Variants in NAALADL2 observed in about 807,000 individuals in gnomAD.
NAALADL2 encodes the protein N-acetylated alpha-linked acidic dipeptidase like 2.
In NAALADL2, 76 loss-of-function variants were observed where a neutral mutation model predicts 87.2. The ratio of observed to expected loss-of-function variants is 0.87; its 90% CI spans 0.72 to 1.05. NAALADL2 has a LOEUF of 1.05. NAALADL2 is among the 50% of genes least tolerant of loss of function. The probability of loss-of-function intolerance (pLI) is 0.00; values close to 1 mark genes in which losing one functional copy is unlikely to be tolerated. For missense variants in NAALADL2, 1,089 were observed against 945.8 expected (o/e 1.15, Z -1.99); for synonymous variants, 354 against 331.0 (o/e 1.07, Z -0.75).
At chr3:175,481,848 A>G (rs889576247) in intron 9 of NAALADL2, among the ~76,000 whole-genome samples, 2 of 152,004 alleles carry the variant, frequency 1.3e-5, no homozygotes, top group Non-Finnish European at 2.9e-5. Flanking sequence ...ACAGAACTAT[A>G]TATTATACAA....
chr3:175,117,223 A>C (rs539489474), intron 2 of NAALADL2, among the ~76,000 whole-genome samples: 10 of 151,916 alleles, frequency 6.6e-5, no homozygotes, highest in Non-Finnish European at 1.0e-4. Flanking sequence ...ATGTCTAAAA[A>C]ACCAAAAGCA....
chr3:175,372,009 A>G (rs189591619), intron 5 of NAALADL2, among the ~76,000 whole-genome samples: 6 of 152,262 alleles, frequency 3.9e-5, no homozygotes, highest in Admixed American at 3.9e-4. Context: ...TTCCTACCAT[A>G]ACATGAAATA....
At chr3:174,534,146 T>C (rs1721501986) in intron 1 of NAALADL2, among the ~76,000 whole-genome samples, 1 of 152,158 alleles carries the variant, frequency 6.6e-6, no homozygotes, top group Non-Finnish European at 1.5e-5. Flanking sequence ...CTATTACATT[T>C]CTTATGTCTG....
At chr3:175,307,053 C>G (rs764267218) in intron 4 of NAALADL2, among the ~76,000 whole-genome samples, 8 of 152,126 alleles carry the variant, frequency 5.3e-5, no homozygotes, top group Non-Finnish European at 8.8e-5. Flanking sequence ...CAATAGTATA[C>G]TCTTAATTCC....
At chr3:175,607,252 A>C (rs1181311635) in intron 10 of NAALADL2, among the ~76,000 whole-genome samples, 2 of 152,240 alleles carry the variant, frequency 1.3e-5, no homozygotes, top group Non-Finnish European at 2.9e-5. Context: ...AATAGTATAA[A>C]GAGAAAAAGA....
intron 1 of NAALADL2, among the ~76,000 whole-genome samples, chr3:174,860,485 T>C (rs1473226517): frequency 1.3e-5 from 2 of 152,112 alleles, no homozygotes; most frequent in African/African-American, 4.8e-5. Context: ...TTTATTTCTA[T>C]GTGTCTTATG....
intron 9 of NAALADL2, among the ~76,000 whole-genome samples, chr3:175,542,908 G>A (rs1409686551): frequency 6.6e-6 from 1 of 152,118 alleles, no homozygotes; most frequent in Non-Finnish European, 1.5e-5. Flanking sequence ...AGGAAAATGG[G>A]TAATAGACTG....
intron 11 of NAALADL2, among the ~76,000 whole-genome samples, chr3:175,661,359 T>G (rs1732232691): frequency 6.6e-6 from 1 of 151,994 alleles, no homozygotes; most frequent in South Asian, 2.1e-4. Flanking sequence ...CAGACTTTTT[T>G]TTTTTCCTAT....
chr3:175,173,006 T>C (rs1735086622), intron 2 of NAALADL2, among the ~76,000 whole-genome samples: 1 of 152,006 alleles, frequency 6.6e-6, no homozygotes, highest in African/African-American at 2.4e-5. Context: ...AATATTGCAA[T>C]GAAGCCAGGT....
intron 11 of NAALADL2, among the ~76,000 whole-genome samples, chr3:175,636,467 G>T (rs1020566089): frequency 6.6e-6 from 1 of 152,110 alleles, no homozygotes; most frequent in African/African-American, 2.4e-5. Context: ...GGGAGGCCGA[G>T]CAGGGCAGAT....
In NAALADL2 at chr3:175,020,108, C is replaced by A. The variant is rs184599493; in HGVS notation, c.44-76682C>A. 4.2e-3 allele frequency among the ~76,000 whole-genome samples: 638 copies of A among 152,176 alleles called. 3 individuals are homozygous for A. The highest frequency in any genetic ancestry group is 0.017 in the Middle Eastern group (5 of 294). On this transcript the variant is annotated intron_variant, in intron 1 of 13. Coordinates refer to ENST00000454872, the MANE Select transcript of NAALADL2 (RefSeq NM_207015.3). ...GGAAATCCACAGATTCTGTTGGGGA[C>A]ATGCAGAGCATTTAGTGTTCAGGGA...
chr3:175,207,668 A>G (rs375652646), intron 2 of NAALADL2, among the ~76,000 whole-genome samples: 1 of 152,160 alleles, frequency 6.6e-6, no homozygotes, highest in Admixed American at 6.6e-5. Flanking sequence ...CCCTTCTTTG[A>G]TTATTCCTTC....
At chr3:175,661,060 G>T (rs1732178681) in intron 11 of NAALADL2, among the ~76,000 whole-genome samples, 2 of 152,032 alleles carry the variant, frequency 1.3e-5, no homozygotes, top group South Asian at 4.2e-4. Flanking sequence ...TTAGTTTTTT[G>T]AAGAACCCCC....
At chr3:174,721,887 T>G (rs938048431) in intron 2 of NAALADL2, among the ~76,000 whole-genome samples, 1 of 152,178 alleles carries the variant, frequency 6.6e-6, no homozygotes, top group Non-Finnish European at 1.5e-5. Flanking sequence ...AGACTGATTT[T>G]TGACCAGAGG....
In NAALADL2 at chr3:174,568,509, T is replaced by C. The variant is rs141896061; in HGVS notation, c.-115+17872T>C. Among the ~76,000 whole-genome samples, 374 of 151,780 alleles carry C rather than the reference T, an allele frequency of 2.5e-3. 1 individual carries two copies. The highest frequency in any genetic ancestry group is 8.4e-3 in the African/African-American group (349 of 41,478). On this transcript the variant is annotated intron_variant, in intron 2 of 3. Coordinates refer to the NAALADL2 transcript ENST00000434257. Reference sequence around the variant, plus strand: ...TTAAGTGCTTTAGTATCAGTACAAATAAAAAAGGAAGGACAACTGGGAAAG... The same window carrying C: ...TTAAGTGCTTTAGTATCAGTACAAACAAAAAAGGAAGGACAACTGGGAAAG...
rs564344243 is a variant in NAALADL2, at chr3:175,549,743, C to CA, written c.1654-26292dup. ...ATGTAGGCAATACAAAGGCGGACTG[C>CA]AAAAAACTTAAGTCTTTAAGACTTA... On this transcript the variant is annotated intron_variant, in intron 9 of 13. Coordinates refer to ENST00000454872, the MANE Select transcript of NAALADL2 (RefSeq NM_207015.3). 1.2e-4 allele frequency among the ~76,000 whole-genome samples: 19 copies of CA among 152,014 alleles called. 1 individual carries two copies. In the South Asian group the frequency reaches 3.7e-3, roughly 30 times the overall value.
At chr3:175,212,781 C>G (rs1660777041) in intron 2 of NAALADL2, among the ~76,000 whole-genome samples, 1 of 151,978 alleles carries the variant, frequency 6.6e-6, no homozygotes, top group South Asian at 2.1e-4. Flanking sequence ...CTATTTTTAC[C>G]TAGACTTAAA....
At chr3:174,487,783 A>G (rs1717947192) in intron 1 of NAALADL2, among the ~76,000 whole-genome samples, 1 of 151,578 alleles carries the variant, frequency 6.6e-6, no homozygotes, top group Admixed American at 6.6e-5. Context: ...CAATGGCTAT[A>G]TTGTGGAGGT....
chr3:175,616,901 G>T (rs1460052278), intron 10 of NAALADL2, among the ~76,000 whole-genome samples: 1 of 152,128 alleles, frequency 6.6e-6, no homozygotes. Flanking sequence ...GACCCCTAAG[G>T]TAGATCTGGA....
Sources: allele counts gnomAD v4.1 joint callset (sites outside exome capture counted in the v4.1 genomes callset), GRCh38; gene constraint gnomAD v4.1.1; transcripts MANE v1.5; gene names NCBI Gene and HGNC (gene_info 2026-07-23, HGNC 2026-07-21).